The following DLGAP2 variants were observed in gnomAD, a reference collection of about 807,000 sequenced individuals.
DLGAP2 encodes the protein disks large-associated protein 2.
DLGAP2 carries 26 observed loss-of-function variants against 100.3 expected under a neutral mutation model. That is an observed-to-expected ratio of 0.26 (90% CI 0.19 to 0.36). The LOEUF is 0.36. Ranked by LOEUF, DLGAP2 falls within the 10% of genes least tolerant of loss-of-function variation. The pLI, the probability that DLGAP2 is intolerant of heterozygous loss-of-function variation, is 1.00. For missense variants in DLGAP2, 1,858 were observed against 1,453.2 expected (o/e 1.28, Z -4.53); for synonymous variants, 886 against 630.1 (o/e 1.41, Z -6.08).
At chr8:1,538,269 C>G (rs1801223159) in intron 4 of DLGAP2, among the ~76,000 whole-genome samples, 2 of 152,290 alleles carry the variant, frequency 1.3e-5, no homozygotes, top group South Asian at 4.1e-4. Flanking sequence ...TAATTAAAAT[C>G]TCTATAGTGT....
chr8:847,655 C>T (rs1458509425), intron 1 of DLGAP2, among the ~76,000 whole-genome samples: 13 of 152,014 alleles, frequency 8.6e-5, no homozygotes, highest in South Asian at 2.1e-4. Context: ...TATAGGCGCA[C>T]GCAACCACAC....
At chr8:781,985 A>G (rs1335221900) in intron 1 of DLGAP2, among the ~76,000 whole-genome samples, 2 of 152,188 alleles carry the variant, frequency 1.3e-5, no homozygotes, top group Non-Finnish European at 2.9e-5. Flanking sequence ...GTTAAAAGGA[A>G]AGAGAAAACC....
At position 1,682,467 on chromosome 8, in the gene DLGAP2, A is replaced by G. The variant is rs536627004; in HGVS notation, c.2704+3838A>G. Among the ~76,000 whole-genome samples, 9 of 144,626 alleles carry G rather than the reference A, an allele frequency of 6.2e-5. No individual in the cohort carries two copies. In the East Asian group the frequency reaches 1.9e-3, roughly 31 times the overall value. The allele number at this position is 144,626 out of a possible 152,430, so 94.9% of individuals were successfully genotyped here. ...ATCAACAGTAAGATTCCAAAATCTT[A>G]GGATATATAGTATTTTTTTTTTTTT... On this transcript the variant is annotated intron_variant, in intron 12 of 14. Transcript: ENST00000637795.
chr8:1,169,930 G>T (rs1014305364), intron 2 of DLGAP2, among the ~76,000 whole-genome samples: 7 of 152,034 alleles, frequency 4.6e-5, no homozygotes, highest in Non-Finnish European at 7.4e-5. Context: ...TTGAATAGGA[G>T]TGGTGAGAGA....
chr8:1,417,214 G>T (rs891904664), intron 3 of DLGAP2, among the ~76,000 whole-genome samples: 9 of 123,150 alleles, frequency 7.3e-5, no homozygotes, highest in Non-Finnish European at 1.2e-4. Context: ...TGAGTGAGGG[G>T]AGACCAGCGT....
chr8:1,142,952 T>C (rs1248101637), intron 2 of DLGAP2, among the ~76,000 whole-genome samples: 1 of 151,992 alleles, frequency 6.6e-6, no homozygotes, highest in Non-Finnish European at 1.5e-5. Flanking sequence ...CATGTTCTCA[T>C]AGAGACTTTC....
At chr8:1,303,219 A>T (rs1800402451) in intron 3 of DLGAP2, among the ~76,000 whole-genome samples, 1 of 152,128 alleles carries the variant, frequency 6.6e-6, no homozygotes, top group South Asian at 2.1e-4. Flanking sequence ...AACACGGTGA[A>T]ACCCCGTCTC....
At chr8:1,417,367 G>A (rs916348565) in intron 3 of DLGAP2, among the ~76,000 whole-genome samples, 1 of 152,120 alleles carries the variant, frequency 6.6e-6, no homozygotes, top group Non-Finnish European at 1.5e-5. Flanking sequence ...GAAGCTAGCA[G>A]CACTGTCACT....
intron 3 of DLGAP2, among the ~76,000 whole-genome samples, chr8:1,422,474 C>A (rs977748253): frequency 1.3e-5 from 2 of 151,746 alleles, no homozygotes; most frequent in Non-Finnish European, 2.9e-5. Context: ...GCCAGGGAAA[C>A]CTCTCCTGTC....
rs1802112903 is a variant in DLGAP2 at position 1,560,210 on chromosome 8, G to C, written c.1231-5473G>C. 2.6e-5 allele frequency among the ~76,000 whole-genome samples: 4 copies of C among 152,284 alleles called. No homozygotes were observed. In the South Asian group the frequency reaches 8.3e-4, roughly 32 times the overall value. On this transcript the variant is annotated intron_variant, in intron 5 of 14. Coordinates refer to ENST00000637795, the MANE Select transcript of DLGAP2 (RefSeq NM_001346810.2). The stretch of plus-strand genomic sequence containing the variant: ...TGTTTCACATCTTCTGGCTGCTTCT[G>C]CACATAACACAGTTACATCTTTAAA...
rs73541323 is a variant in DLGAP2, at chr8:1,195,189, G to C, written c.74-63662G>C. On this transcript the variant is annotated intron_variant, in intron 2 of 14. Coordinates refer to ENST00000637795, the MANE Select transcript of DLGAP2 (RefSeq NM_001346810.2). ...TCTGAAGAGACGAGGGTGTCAGGAA[G>C]GTGCCCCATGGTCATCCCAGCTGGG... is the stretch of plus-strand genomic sequence containing the variant. 7.6e-3 allele frequency among the ~76,000 whole-genome samples: 1,151 copies of C among 152,340 alleles called. 17 individuals carry two copies. Among genetic ancestry groups the C allele is most frequent in the African/African-American group, 0.026 (1,090 of 41,596 alleles).
intron 3 of DLGAP2, among the ~76,000 whole-genome samples, chr8:1,418,415 T>G (rs1796996112): frequency 6.6e-6 from 1 of 152,180 alleles, no homozygotes; most frequent in Non-Finnish European, 1.5e-5. Context: ...TTCTGGCATG[T>G]TTTTAAAAAG....
At position 772,769 on chromosome 8, in the gene DLGAP2, A is replaced by G. The variant is rs926772320; in HGVS notation, c.18+34944A>G. Among the ~76,000 whole-genome samples, 25 of 152,358 alleles carry G rather than the reference A, an allele frequency of 1.6e-4. 1 individual carries two copies. Among genetic ancestry groups the G allele is most frequent in the African/African-American group, 6.0e-4 (25 of 41,590 alleles). On this transcript the variant is annotated intron_variant, in intron 1 of 14. Coordinates refer to ENST00000637795, the MANE Select transcript of DLGAP2 (RefSeq NM_001346810.2). ...GGGGTCATGGCGCCCTGGCTCCAGCACAGTGCCACACATGGCTTCTTGTGG... is the reference window on the plus strand; with the variant it reads ...GGGGTCATGGCGCCCTGGCTCCAGCGCAGTGCCACACATGGCTTCTTGTGG...
intron 2 of DLGAP2, among the ~76,000 whole-genome samples, chr8:928,464 G>C (rs1798867364): frequency 6.6e-6 from 1 of 152,180 alleles, no homozygotes; most frequent in South Asian, 2.1e-4. Flanking sequence ...ATGAGGAACA[G>C]GTCCCCAGCT....
At chr8:1,228,430 A>G (rs999014438) in intron 2 of DLGAP2, among the ~76,000 whole-genome samples, 1 of 152,214 alleles carries the variant, frequency 6.6e-6, no homozygotes, top group Non-Finnish European at 1.5e-5. Flanking sequence ...CAAAATCAGA[A>G]GTTGGAGGGA....
chr8:1,325,598 C>T (rs1801003234), intron 3 of DLGAP2, among the ~76,000 whole-genome samples: 2 of 152,188 alleles, frequency 1.3e-5, no homozygotes, highest in Non-Finnish European at 2.9e-5. Context: ...GGGATCTCCC[C>T]TGAAAGGATT....
At chr8:1,265,962 C>T (rs1029675079) in intron 3 of DLGAP2, among the ~76,000 whole-genome samples, 1 of 152,112 alleles carries the variant, frequency 6.6e-6, no homozygotes, top group Non-Finnish European at 1.5e-5. Flanking sequence ...GGAATCTGCT[C>T]CAAGAAGCTA....
At chr8:1,282,047 C>T (rs1163764619) in intron 3 of DLGAP2, among the ~76,000 whole-genome samples, 8 of 144,906 alleles carry the variant, frequency 5.5e-5, no homozygotes, top group Admixed American at 1.4e-4. Context: ...ACCATCCGGA[C>T]GTGGTGTGAC....
At chr8:1,120,494 C>G (rs563255890) in intron 2 of DLGAP2, among the ~76,000 whole-genome samples, 10 of 152,278 alleles carry the variant, frequency 6.6e-5, no homozygotes, top group African/African-American at 2.2e-4. Flanking sequence ...TCATAGCCCA[C>G]AGCCACCCAT....
Sources: allele counts gnomAD v4.1 joint callset (sites outside exome capture counted in the v4.1 genomes callset), GRCh38; gene constraint gnomAD v4.1.1; transcripts MANE v1.5; gene names NCBI Gene and HGNC (gene_info 2026-07-23, HGNC 2026-07-21).